Variants in PEMT observed in about 807,000 individuals in gnomAD.
PEMT encodes phospholipid methyltransferase.
A neutral mutation model predicts 27.4 loss-of-function variants in PEMT; 23 were observed. That is an observed-to-expected ratio of 0.84 (90% CI 0.60 to 1.19). The LOEUF is 1.19. PEMT is among the 50% of genes most tolerant of loss of function. The pLI is 0.00. For synonymous variants in PEMT, 137 were observed against 139.1 expected, an observed-to-expected ratio of 0.98 and a Z score of 0.11; for missense variants, 307 against 310.1, an observed-to-expected ratio of 0.99 and a Z score of 0.07.
In PEMT at chr17:17,544,749, C is replaced by A. The variant is rs929795180; in HGVS notation, c.205-22354G>T. 6.6e-5 allele frequency among the ~76,000 whole-genome samples: 10 copies of A among 152,278 alleles called. No homozygotes were observed. In the South Asian group the frequency reaches 8.3e-4, roughly 13 times the overall value. On this transcript the variant is annotated intron_variant, in intron 2 of 6. Transcript: ENST00000255389. The stretch of plus-strand genomic sequence containing the variant: ...GTTTCAAAATGGAGGCAGAACAGGG[C>A]GGCTTTCTCCACTTCCCAACCAGCA...
intron 2 of PEMT, among the ~76,000 whole-genome samples, chr17:17,574,211 A>G (rs981997811): frequency 1.4e-5 from 2 of 144,676 alleles, no homozygotes; most frequent in African/African-American, 5.3e-5. Flanking sequence ...GTGAAAAACT[A>G]TCTCAAAATG....
In PEMT at chr17:17,591,687, G is replaced by C. The variant is rs1402472184; in HGVS notation, c.-61C>G. ...GCTGCAGCCACGCGCCCCCGGAACC[G>C]GACCTATAGAGCCGGGTAAGTGCCG... On this transcript the variant is annotated 5_prime_UTR_variant, in exon 1 of 7. Coordinates refer to ENST00000255389, the MANE Select transcript of PEMT (RefSeq NM_148172.3). The C allele has an allele frequency of 6.4e-7, 1 of 1,559,454 alleles. No homozygotes were observed. Among genetic ancestry groups the C allele is most frequent in the Non-Finnish European group, 8.7e-7 (1 of 1,151,816 alleles).
At chr17:17,532,797 G>T (rs558340080) in intron 2 of PEMT, among the ~76,000 whole-genome samples, 1 of 152,346 alleles carries the variant, frequency 6.6e-6, no homozygotes, top group South Asian at 2.1e-4. Context: ...GGAGGCCAAG[G>T]CAGGCATATC....
intron 2 of PEMT, among the ~76,000 whole-genome samples, chr17:17,543,011 T>C (rs1304246693): frequency 4.6e-5 from 7 of 152,246 alleles, no homozygotes; most frequent in Non-Finnish European, 1.0e-4. Flanking sequence ...CCTCCTCGCA[T>C]CAGTTACTTA....
rs114684565 is a variant in PEMT, at chr17:17,558,121, C to T, written c.204+18799G>A. Among the ~76,000 whole-genome samples the T allele has an allele frequency of 8.6e-3, 1,314 of 152,198 alleles. 17 individuals are homozygous for T. Among genetic ancestry groups the T allele is most frequent in the African/African-American group, 0.028 (1,164 of 41,528 alleles). ...CTTTGGGAGGGTGAGGCGGCAGAAT[C>T]GCTGGAGCCCAGGAGTTTGAGACCA... On this transcript the variant is annotated intron_variant, in intron 2 of 6. Coordinates refer to ENST00000255389, the MANE Select transcript of PEMT (RefSeq NM_148172.3).
At chr17:17,511,228 C>G (rs1597870303) in intron 4 of PEMT, among the ~76,000 whole-genome samples, 1 of 152,280 alleles carries the variant, frequency 6.6e-6, no homozygotes, top group African/African-American at 2.4e-5. Flanking sequence ...TTTTCTCTTT[C>G]CTACCTGCCC....
rs531597028 is a variant in PEMT, at chr17:17,552,625, C to T, written c.204+24295G>A. 3.5e-4 allele frequency among the ~76,000 whole-genome samples: 53 copies of T among 152,346 alleles called. 1 individual carries two copies. The Middle Eastern group carries it at 0.014, about 39-fold the overall frequency. Reference sequence around the variant, plus strand: ...CGGAGACCTGCAGGCTGCAGAAATGCGGCCACGGTGGCCCTGCGTGGAGAT... The same window carrying T: ...CGGAGACCTGCAGGCTGCAGAAATGTGGCCACGGTGGCCCTGCGTGGAGAT... On this transcript the variant is annotated intron_variant, in intron 2 of 6. Coordinates refer to ENST00000255389, the MANE Select transcript of PEMT (RefSeq NM_148172.3).
At chr17:17,592,132 C>A, upstream of PEMT, 1 of 983,418 alleles carries the variant, frequency 1.0e-6, no homozygotes, top group African/African-American at 1.8e-5. Context: ...TTCTGAAATT[C>A]GCTTTACTCT....
At chr17:17,571,555 T>C (rs1219418873) in intron 2 of PEMT, among the ~76,000 whole-genome samples, 1 of 151,968 alleles carries the variant, frequency 6.6e-6, no homozygotes, top group East Asian at 1.9e-4. Flanking sequence ...TGGGTGCTGA[T>C]GAGCAGAAGC....
chr17:17,517,640 CA>C (rs1389706706), intron 3 of PEMT, among the ~76,000 whole-genome samples: 7 of 152,232 alleles, frequency 4.6e-5, no homozygotes, highest in Non-Finnish European at 7.3e-5. Flanking sequence ...TCAGAATCAT[CA>C]GGGAGTTTTT....
intron 2 of PEMT, among the ~76,000 whole-genome samples, chr17:17,528,597 G>A (rs1011436600): frequency 6.6e-6 from 1 of 152,222 alleles, no homozygotes; most frequent in African/African-American, 2.4e-5. Flanking sequence ...GTACCTGTAG[G>A]TGACATACAA....
At chr17:17,520,894 C>T (rs1307585897) in intron 3 of PEMT, among the ~76,000 whole-genome samples, 5 of 152,268 alleles carry the variant, frequency 3.3e-5, no homozygotes, top group African/African-American at 4.8e-5. Context: ...ATGACAATGA[C>T]GAGAAGGCAG....
chr17:17,537,285 A>C lies in PEMT; in HGVS notation c.205-14890T>G, dbSNP rs1908544357. Among the ~76,000 whole-genome samples, 13 of 152,040 alleles carry C rather than the reference A, an allele frequency of 8.6e-5. No individual in the cohort carries two copies. In the South Asian group the frequency reaches 2.5e-3, roughly 29 times the overall value. Reference sequence around the variant, plus strand: ...TGCCCTGCTCCTGTGAGGAGGACCCACCTGCTCCTGGGCCTGGCCCCCTTT... The same window carrying C: ...TGCCCTGCTCCTGTGAGGAGGACCCCCCTGCTCCTGGGCCTGGCCCCCTTT... On this transcript the variant is annotated intron_variant, in intron 2 of 6. Transcript: ENST00000255389.
intron 2 of PEMT, among the ~76,000 whole-genome samples, chr17:17,574,244 C>CG (rs1491355072): frequency 6.6e-5 from 3 of 45,244 alleles, no homozygotes; most frequent in Non-Finnish European, 1.6e-4. Flanking sequence ...AGCTTATGAC[C>CG]AAAAAAAAAA....
intron 4 of PEMT, among the ~76,000 whole-genome samples, chr17:17,510,214 C>G (rs958501869): frequency 6.6e-6 from 1 of 152,184 alleles, no homozygotes; most frequent in Non-Finnish European, 1.5e-5. Context: ...AGCCATGCAC[C>G]CGTCAGCCGC....
intron 1 of PEMT, among the ~76,000 whole-genome samples, chr17:17,589,573 G>A (rs1319954086): frequency 6.6e-6 from 1 of 152,068 alleles, no homozygotes; most frequent in Non-Finnish European, 1.5e-5. Context: ...TGTGGCACAC[G>A]ATGTTTCTAC....
chr17:17,524,533 G>A (rs1356744115), intron 2 of PEMT, among the ~76,000 whole-genome samples: 2 of 151,738 alleles, frequency 1.3e-5, no homozygotes, highest in African/African-American at 4.8e-5. Context: ...GGAGGCTGAG[G>A]TGAGAGAATT....
chr17:17,540,940 T>C (rs1421938155), intron 2 of PEMT, among the ~76,000 whole-genome samples: 2 of 152,118 alleles, frequency 1.3e-5, no homozygotes, highest in African/African-American at 4.8e-5. Context: ...CACTGCCTGG[T>C]ATTTGTCTAT....
intron 2 of PEMT, among the ~76,000 whole-genome samples, chr17:17,542,273 G>T (rs1050538744): frequency 6.6e-6 from 1 of 152,184 alleles, no homozygotes; most frequent in Non-Finnish European, 1.5e-5. Flanking sequence ...GAGCCACTAC[G>T]CCTGGCCCAC....
Sources: gnomAD v4.1 joint callset for allele counts (sites outside exome capture counted in the v4.1 genomes callset) on GRCh38, gnomAD v4.1.1 for gene constraint, MANE v1.5 for transcripts, NCBI Gene and HGNC (gene_info 2026-07-23, HGNC 2026-07-21) for gene names.